Variants in HMGCLL1 observed in about 807,000 individuals in gnomAD.
The protein encoded by HMGCLL1 is 3-hydroxymethyl-3-methylglutaryl-CoA lyase, cytoplasmic.
Under a neutral mutation model 39.1 loss-of-function variants are expected in HMGCLL1, and 36 were observed. The ratio of observed to expected loss-of-function variants is 0.92; its 90% CI spans 0.71 to 1.22. The LOEUF (loss-of-function observed/expected upper bound fraction) is 1.22. Among genes scored for constraint, HMGCLL1 ranks in the 50% most tolerant of loss-of-function variants. The pLI, the probability that HMGCLL1 is intolerant of heterozygous loss-of-function variation, is 0.00. For missense variants in HMGCLL1, 451 were observed against 416.5 expected, an observed-to-expected ratio of 1.08 and a Z score of -0.72; for synonymous variants, 149 against 144.0, an observed-to-expected ratio of 1.03 and a Z score of -0.25.
At chr6:55,657,900 T>A in the HMGCLL1 span, among the ~76,000 whole-genome samples, 1 of 151,568 alleles carries the variant, frequency 6.6e-6, no homozygotes, top group Non-Finnish European at 1.5e-5. Flanking sequence ...ACACTGGGGC[T>A]TTTTGGAGAG....
chr6:55,617,398 T>TA, the HMGCLL1 span, among the ~76,000 whole-genome samples: 1 of 152,022 alleles, frequency 6.6e-6, no homozygotes, highest in Non-Finnish European at 1.5e-5. Context: ...AAGAAGGAGT[T>TA]AGACTGTGAA....
the HMGCLL1 span, among the ~76,000 whole-genome samples, chr6:55,630,416 C>T: frequency 6.6e-6 from 1 of 152,012 alleles, no homozygotes; most frequent in Non-Finnish European, 1.5e-5. Flanking sequence ...TTTACAGGCT[C>T]ATAGGCAGAA....
intron 1 of HMGCLL1, among the ~76,000 whole-genome samples, chr6:55,555,928 G>A (rs1354122588): frequency 6.6e-6 from 1 of 152,082 alleles, no homozygotes; most frequent in African/African-American, 2.4e-5. Context: ...GGTTCTTTTG[G>A]GCAGGATGAG....
rs189259838 is a variant in HMGCLL1, at chr6:55,505,048, T to C, written c.543-5749A>G. Among the ~76,000 whole-genome samples the C allele has an allele frequency of 1.9e-4, 29 of 151,778 alleles. No individual in the cohort carries two copies. In the East Asian group the frequency reaches 5.4e-3, roughly 28 times the overall value. Reference sequence around the variant, plus strand: ...ACAGTAAATCCTGTGGAAATGAATATGAATTGTTTTATTTGTATTTGTGCT... The same window carrying C: ...ACAGTAAATCCTGTGGAAATGAATACGAATTGTTTTATTTGTATTTGTGCT... On this transcript the variant is annotated intron_variant, in intron 5 of 8. Coordinates refer to ENST00000274901, the MANE Select transcript of HMGCLL1 (RefSeq NM_001042406.2).
chr6:55,565,380 A>T (rs556716667), intron 1 of HMGCLL1, among the ~76,000 whole-genome samples: 28 of 152,240 alleles, frequency 1.8e-4, no homozygotes, highest in African/African-American at 6.5e-4. Flanking sequence ...AGTTAGTATT[A>T]TTCTAATCAT....
the HMGCLL1 span, among the ~76,000 whole-genome samples, chr6:55,613,545 A>T: frequency 5.3e-5 from 8 of 152,314 alleles, no homozygotes; most frequent in Non-Finnish European, 8.8e-5. Context: ...GAACCAACTC[A>T]AAGGCCCATC....
intron 7 of HMGCLL1, among the ~76,000 whole-genome samples, chr6:55,476,015 A>G (rs1446813517): frequency 6.6e-6 from 1 of 151,668 alleles, no homozygotes; most frequent in Non-Finnish European, 1.5e-5. Flanking sequence ...GTTATCTGAT[A>G]AGTTCTTCAG....
At chr6:55,669,633 C>T in the HMGCLL1 span, among the ~76,000 whole-genome samples, 1 of 151,586 alleles carries the variant, frequency 6.6e-6, no homozygotes, top group Non-Finnish European at 1.5e-5. Context: ...TATTAAGCTA[C>T]AAAGTATCAG....
intron 3 of HMGCLL1, among the ~76,000 whole-genome samples, chr6:55,531,975 G>T (rs1003906121): frequency 6.6e-6 from 1 of 151,970 alleles, no homozygotes; most frequent in Non-Finnish European, 1.5e-5. Context: ...ATAGGAAAAA[G>T]ACATAGTAAA....
chr6:55,540,003 AGGGAGGGAGGGAGGG>A (rs1769309241), intron 3 of HMGCLL1, among the ~76,000 whole-genome samples: 1 of 6,528 alleles, frequency 1.5e-4, no homozygotes, highest in African/African-American at 5.1e-4. Flanking sequence ...GAAGGGAGGG[AGGGAGGGAGGGAGGG>A]AGGGAGGGAG....
At chr6:55,630,589 T>C in the HMGCLL1 span, among the ~76,000 whole-genome samples, 1 of 152,102 alleles carries the variant, frequency 6.6e-6, no homozygotes, top group African/African-American at 2.4e-5. Flanking sequence ...AATTTGGCTC[T>C]GTCCCCACTC....
chr6:55,655,557 T>TAGAA, the HMGCLL1 span, among the ~76,000 whole-genome samples: 3 of 151,608 alleles, frequency 2.0e-5, no homozygotes, highest in African/African-American at 7.3e-5. Context: ...GATAGATAGA[T>TAGAA]AGATAGATAG....
At chr6:55,445,250 T>A (rs779006033) in intron 7 of HMGCLL1, among the ~76,000 whole-genome samples, 26 of 152,100 alleles carry the variant, frequency 1.7e-4, no homozygotes, top group Non-Finnish European at 3.1e-4. Context: ...GATACTGTTA[T>A]CCTTATACTA....
intron 3 of HMGCLL1, among the ~76,000 whole-genome samples, chr6:55,536,952 G>T (rs931437266): frequency 6.6e-6 from 1 of 152,120 alleles, no homozygotes; most frequent in South Asian, 2.1e-4. Context: ...AATATAAGAT[G>T]TAGAGAATTA....
chr6:55,552,734 G>A (rs778426876), intron 1 of HMGCLL1, among the ~76,000 whole-genome samples: 6 of 151,966 alleles, frequency 3.9e-5, no homozygotes, highest in Non-Finnish European at 7.3e-5. Context: ...TGGATACAGA[G>A]ACTAATTTTG....
chr6:55,494,306 T>C (rs1353959330), intron 7 of HMGCLL1, among the ~76,000 whole-genome samples: 2 of 148,836 alleles, frequency 1.3e-5, no homozygotes, highest in East Asian at 4.0e-4. Flanking sequence ...GATATATTCA[T>C]ACAGAGAAAC....
intron 7 of HMGCLL1, among the ~76,000 whole-genome samples, chr6:55,452,455 G>C (rs918541688): frequency 3.3e-5 from 5 of 152,138 alleles, no homozygotes; most frequent in African/African-American, 1.2e-4. Context: ...TGAAGCATAG[G>C]TGAATCAGAG....
chr6:55,615,677 G>C, the HMGCLL1 span, among the ~76,000 whole-genome samples: 2 of 152,074 alleles, frequency 1.3e-5, no homozygotes, highest in African/African-American at 4.8e-5. Context: ...AATAGTATCT[G>C]GTAGGCCCTG....
intron 1 of HMGCLL1, among the ~76,000 whole-genome samples, chr6:55,571,602 G>A (rs1043568546): frequency 7.9e-5 from 12 of 151,868 alleles, no homozygotes; most frequent in Admixed American, 6.6e-5. Flanking sequence ...TCAGGAGATC[G>A]AGACCATCCT....
Sources: gnomAD v4.1 joint callset for allele counts (sites outside exome capture counted in the v4.1 genomes callset) on GRCh38, gnomAD v4.1.1 for gene constraint, MANE v1.5 for transcripts, NCBI Gene and HGNC (gene_info 2026-07-23, HGNC 2026-07-21) for gene names.